The following GCG variants were observed in gnomAD, a reference collection of about 807,000 sequenced individuals.
GCG encodes the protein pro-glucagon.
A neutral mutation model predicts 22.8 loss-of-function variants in GCG; 11 were observed. The observed-to-expected ratio is 0.48, with a 90% CI of 0.30 to 0.80. The LOEUF is 0.80. Ranked by LOEUF, GCG falls within the 30% of genes least tolerant of loss-of-function variation. The pLI, the probability that GCG is intolerant of heterozygous loss-of-function variation, is 0.06. For synonymous variants in GCG, 89 were observed against 72.4 expected (o/e 1.23, Z -1.16); for missense variants, 222 against 222.0 (o/e 1.00, Z 0.00).
intron 1 of GCG, among the ~76,000 whole-genome samples, chr2:162,150,379 A>C (rs1686803381): frequency 6.6e-6 from 1 of 152,132 alleles, no homozygotes; most frequent in Non-Finnish European, 1.5e-5. Flanking sequence ...CTTTTCCTTA[A>C]TATATTAGCT....
At position 162,151,697 on chromosome 2, in the gene GCG, T is replaced by C. The variant is rs146344181; in HGVS notation, c.-10+461A>G. On this transcript the variant is annotated intron_variant, in intron 1 of 5. Transcript: ENST00000418842. ...TGAAAGATGTTATTTAATTTGCTCT[T>C]TTGGAAAACCAGAGATTTTAATTGG... Among the ~76,000 whole-genome samples, 5 of 152,270 alleles carry C rather than the reference T, an allele frequency of 3.3e-5. No individual in the cohort carries two copies. In the East Asian group the frequency reaches 9.6e-4, roughly 29 times the overall value.
At chr2:162,145,875 A>C (rs559905638) in intron 3 of GCG, among the ~76,000 whole-genome samples, 198 bp from the exon 4 acceptor site, 2 of 152,216 alleles carry the variant, frequency 1.3e-5, no homozygotes, top group African/African-American at 4.8e-5. Flanking sequence ...AGCTAATAAC[A>C]ATCGGTGGGC....
chr2:162,144,999 T>C (rs968535728), intron 4 of GCG: 1 of 152,104 alleles, frequency 6.6e-6, no homozygotes, highest in Non-Finnish European at 1.5e-5. Context: ...TTTTTACCTA[T>C]TTGTACTTTG....
At chr2:162,148,994 C>T in intron 2 of GCG, 93 bp downstream of exon 2, 1 of 743,212 alleles carries the variant, frequency 1.3e-6, no homozygotes, top group Non-Finnish European at 2.3e-6. Flanking sequence ...AATATTTATT[C>T]TAAATTACTG....
intron 3 of GCG, among the ~76,000 whole-genome samples, chr2:162,145,898 T>C (rs1025762769): frequency 6.6e-6 from 1 of 151,998 alleles, no homozygotes; most frequent in African/African-American, 2.4e-5. Context: ...AAGCTCCCCC[T>C]CCCTTCCCAG....
Position 162,145,548 on chromosome 2 carries a change from T to C in GCG, c.384A>G (p.Gly128=). ...AGAATGTACAGACTTACTCTCGCCT[T>C]CCTCGGCCTTTCACCAGCCAAGCAA... The part of the protein sequence containing the change: ...EFIAWLVKGR[G]RRDFPEEVAI... The change falls in exon 4 of 6, where the codon GGA becomes GGG. Residue 128 remains glycine (G), a synonymous_variant. Transcript: ENST00000418842. 3.7e-6 allele frequency: 6 copies of C among 1,608,634 alleles called. No homozygotes were observed. The highest frequency in any genetic ancestry group is 5.1e-6 in the Non-Finnish European group (6 of 1,177,718).
At chr2:162,144,378 C>G in intron 4 of GCG, 1 of 539,136 alleles carries the variant, frequency 1.9e-6, no homozygotes, top group African/African-American at 1.9e-5. Context: ...GATCTAATAC[C>G]AAGCCTGCAT....
chr2:162,149,589 G>A (rs1352149394), intron 1 of GCG, among the ~76,000 whole-genome samples: 7 of 152,094 alleles, frequency 4.6e-5, no homozygotes, highest in Admixed American at 3.3e-4. Context: ...CTCACTATCA[G>A]TCTGGCTTTC....
In GCG at chr2:162,146,494, C is replaced by A. The variant is rs746191219; in HGVS notation, c.255-817G>T. ...TGGCTGTACCCTCTACTTTAAGAAC[C>A]TTTGATTAGCAACTCTGTTTCTCCT... On this transcript the variant is annotated intron_variant, in intron 3 of 5. Coordinates refer to ENST00000418842, the MANE Select transcript of GCG (RefSeq NM_002054.5). Among the ~76,000 whole-genome samples the A allele has an allele frequency of 2.6e-5, 4 of 151,630 alleles. No homozygotes were observed. In the South Asian group the frequency reaches 8.3e-4, roughly 32 times the overall value.
rs567261708 is a variant in GCG at position 162,149,266 on chromosome 2, T to C, written c.-9-79A>G. ...ACATGTCAGGCTAAATTAATTAGAT[T>C]TGACTAGATAAATATCATAAGTAGA... On this transcript the variant is annotated intron_variant, in intron 1 of 5. Coordinates refer to ENST00000418842, the MANE Select transcript of GCG (RefSeq NM_002054.5). 6.7e-5 allele frequency: 51 copies of C among 761,446 alleles called. No homozygotes were observed. The South Asian group carries it at 8.0e-4, about 12-fold the overall frequency. The allele number at this position is 761,446 out of a possible 1,614,324, so 47.2% of individuals were successfully genotyped here.
intron 3 of GCG, 47 bp downstream of exon 3, chr2:162,147,306 A>G (rs759750862): frequency 2.0e-5 from 29 of 1,427,992 alleles, no homozygotes; most frequent in Non-Finnish European, 2.6e-5. Context: ...TTTTAGACCT[A>G]TTTAATACAT....
intron 1 of GCG, among the ~76,000 whole-genome samples, chr2:162,150,875 GA>G (rs1396247064): frequency 1.3e-5 from 2 of 151,966 alleles, no homozygotes; most frequent in African/African-American, 4.8e-5. Flanking sequence ...GCTGATGGAA[GA>G]AAGAACAACC....
chr2:162,144,117 C>G lies in GCG; in HGVS notation c.446G>C (p.Gly149Ala). The change falls in exon 5 of 6, where the codon GGT becomes GCT. Residue 149 changes from glycine (G) to alanine (A), a missense_variant. By Grantham distance (60) the Gly-to-Ala change is moderately conservative. Coordinates refer to ENST00000418842, the MANE Select transcript of GCG (RefSeq NM_002054.5). The part of the protein sequence containing the change: ...VEELGRRHAD[G>A]SFSDEMNTIL... ...GGTGTTCATCTCATCAGAGAAAGAA[C>G]CATCAGCATGTCTGCGGCCAAGTTC... is the stretch of plus-strand genomic sequence containing the variant. The G allele has an allele frequency of 4.3e-6, 7 of 1,612,080 alleles. No homozygotes were observed. Among genetic ancestry groups the G allele is most frequent in the Non-Finnish European group, 5.9e-6 (7 of 1,178,222 alleles).
chr2:162,145,694 AG>A lies in GCG; in HGVS notation c.255-18del. 1 of 1,605,164 alleles carries A rather than the reference AG, an allele frequency of 6.2e-7. No homozygotes were observed. The highest frequency in any genetic ancestry group is 8.5e-7 in the Non-Finnish European group (1 of 1,175,358). ...ATGTTATTCCTGAAAGAAATGTGAA[AG>A]TTAAATTGAAGATCTGTCTCTTTGG... On this transcript the variant is annotated intron_variant, in intron 3 of 5. Transcript: ENST00000418842.
chr2:162,148,665 T>C (rs1477315684), intron 2 of GCG, among the ~76,000 whole-genome samples: 2 of 152,160 alleles, frequency 1.3e-5, no homozygotes, highest in East Asian at 3.8e-4. Context: ...GAGTACTTAA[T>C]ATTTTTTGCA....
At chr2:162,144,207 A>T (rs763229183) in intron 4 of GCG, 37 bp from the exon 5 acceptor site, 1 of 1,491,110 alleles carries the variant, frequency 6.7e-7, no homozygotes, top group Non-Finnish European at 9.4e-7. Flanking sequence ...GTTTGATTAG[A>T]TATTTTCAAT....
chr2:162,146,602 C>T (rs1011837230), intron 3 of GCG, among the ~76,000 whole-genome samples: 9 of 150,810 alleles, frequency 6.0e-5, no homozygotes, highest in African/African-American at 2.2e-4. Flanking sequence ...TCTCTCTTCT[C>T]CAGTCTATCC....
rs774778993 is a variant in GCG, at chr2:162,143,886, A to G, written c.536+141T>C. On this transcript the variant is annotated intron_variant, in intron 5 of 5. Coordinates refer to ENST00000418842, the MANE Select transcript of GCG (RefSeq NM_002054.5). ...AACAAACATAATGATGTACTCTTATATGACTTAAACATGCATAATTATTTC... is the reference window on the plus strand; with the variant it reads ...AACAAACATAATGATGTACTCTTATGTGACTTAAACATGCATAATTATTTC... 7 of 705,142 alleles carry G rather than the reference A, an allele frequency of 9.9e-6. No individual in the cohort carries two copies. In the South Asian group the frequency reaches 1.1e-4, roughly 11 times the overall value. The allele number at this position is 705,142 out of a possible 1,614,324, so 43.7% of individuals were successfully genotyped here.
chr2:162,150,856 A>C (rs954010002), intron 1 of GCG, among the ~76,000 whole-genome samples: 6 of 152,134 alleles, frequency 3.9e-5, no homozygotes, highest in South Asian at 2.1e-4. Context: ...GTATCCTGCC[A>C]CTTCAGGAGC....
Sources: allele counts gnomAD v4.1 joint callset (sites outside exome capture counted in the v4.1 genomes callset), GRCh38; gene constraint gnomAD v4.1.1; transcripts MANE v1.5; gene names NCBI Gene and HGNC (gene_info 2026-07-23, HGNC 2026-07-21).